Variants in POU2F1 observed in about 807,000 individuals in gnomAD.
POU2F1 encodes POU domain, class 2, transcription factor 1.
POU2F1 carries 16 observed loss-of-function variants against 84.9 expected under a neutral mutation model. The observed-to-expected ratio is 0.19, with a 90% CI of 0.13 to 0.29. POU2F1 has a LOEUF of 0.29. POU2F1 is among the 10% of genes least tolerant of loss of function. The pLI is 1.00. For missense variants in POU2F1, 738 were observed against 942.6 expected, an observed-to-expected ratio of 0.78 and a Z score of 2.84; for synonymous variants, 368 against 368.3, an observed-to-expected ratio of 1.00 and a Z score of 0.01.
At chr1:167,346,239 C>CT (rs1458696430) in intron 2 of POU2F1, among the ~76,000 whole-genome samples, 1 of 152,100 alleles carries the variant, frequency 6.6e-6, no homozygotes, top group African/African-American at 2.4e-5. Context: ...TCCAGATAGA[C>CT]TTAACAATTT....
intron 1 of POU2F1, among the ~76,000 whole-genome samples, chr1:167,225,128 C>A (rs1259544045): frequency 6.6e-6 from 1 of 152,136 alleles, no homozygotes; most frequent in African/African-American, 2.4e-5. Flanking sequence ...ATGCCCAGCC[C>A]GTTGTCACTT....
intron 13 of POU2F1, among the ~76,000 whole-genome samples, chr1:167,409,970 TAAGAG>T (rs1649843076): frequency 6.6e-6 from 1 of 152,180 alleles, no homozygotes; most frequent in South Asian, 2.1e-4. Context: ...GGGCATGTCT[TAAGAG>T]AAGATTAAAG....
intron 1 of POU2F1, among the ~76,000 whole-genome samples, chr1:167,247,961 A>G (rs922424204): frequency 1.3e-5 from 2 of 152,348 alleles, no homozygotes; most frequent in Non-Finnish European, 1.5e-5. Flanking sequence ...GTGAGGGGGA[A>G]GTATCTTTTT....
At chr1:167,253,430 A>ATGGGTTTTT (rs1357853617) in intron 1 of POU2F1, among the ~76,000 whole-genome samples, 1 of 141,112 alleles carries the variant, frequency 7.1e-6, no homozygotes, top group Non-Finnish European at 1.5e-5. Context: ...TAATTGGTTA[A>ATGGGTTTTT]TGGGTTTTTT....
intron 10 of POU2F1, chr1:167,396,793 A>G (rs983759891): frequency 1.9e-5 from 3 of 161,750 alleles, no homozygotes; most frequent in African/African-American, 7.2e-5. Flanking sequence ...ATGAATTATC[A>G]TAGAACTTGT....
At chr1:167,296,261 A>G (rs1654283329) in intron 1 of POU2F1, among the ~76,000 whole-genome samples, 1 of 152,144 alleles carries the variant, frequency 6.6e-6, no homozygotes, top group Admixed American at 6.5e-5. Flanking sequence ...GTATTTGAAA[A>G]ATCTTCATTC....
chr1:167,247,303 T>A (rs150654497), intron 1 of POU2F1, among the ~76,000 whole-genome samples: 14 of 152,238 alleles, frequency 9.2e-5, no homozygotes, highest in South Asian at 4.1e-4. Flanking sequence ...TGGCCTTGAG[T>A]GATCCTTCTG....
intron 1 of POU2F1, among the ~76,000 whole-genome samples, chr1:167,266,173 C>T (rs536710389): frequency 6.6e-6 from 1 of 152,284 alleles, no homozygotes; most frequent in Non-Finnish European, 1.5e-5. Context: ...ATGTGCAGGA[C>T]CTGCAGGTTT....
At chr1:167,329,754 T>C (rs1216222562) in intron 1 of POU2F1, among the ~76,000 whole-genome samples, 1 of 152,154 alleles carries the variant, frequency 6.6e-6, no homozygotes, top group East Asian at 1.9e-4. Flanking sequence ...TGAGTCACAA[T>C]GCAGAATAGT....
At chr1:167,398,195 T>TACA in intron 11 of POU2F1, 62 bp downstream of exon 11, 1 of 1,546,394 alleles carries the variant, frequency 6.5e-7, no homozygotes, top group Non-Finnish European at 8.8e-7. Flanking sequence ...ACATTAGTAC[T>TACA]TAGTAGAAAC....
At chr1:167,252,017 T>TAC (rs1491442137) in intron 1 of POU2F1, among the ~76,000 whole-genome samples, 1 of 69,990 alleles carries the variant, frequency 1.4e-5, no homozygotes, top group Non-Finnish European at 2.8e-5. Flanking sequence ...GCTAATTTTG[T>TAC]ATATATATAT....
chr1:167,333,446 C>A (rs1013867191), intron 2 of POU2F1, among the ~76,000 whole-genome samples: 1 of 152,054 alleles, frequency 6.6e-6, no homozygotes, highest in African/African-American at 2.4e-5. Flanking sequence ...GAGAGGGATC[C>A]CTTTTGACTT....
chr1:167,366,814 C>T (rs1659709036), intron 3 of POU2F1, among the ~76,000 whole-genome samples: 1 of 151,932 alleles, frequency 6.6e-6, no homozygotes, highest in Admixed American at 6.5e-5. Flanking sequence ...TTCAAGCCTC[C>T]AGTAATTTTT....
At chr1:167,391,086 C>T (rs1173860505) in intron 9 of POU2F1, among the ~76,000 whole-genome samples, 1 of 152,158 alleles carries the variant, frequency 6.6e-6, no homozygotes, top group Non-Finnish European at 1.5e-5. Context: ...CACTGACTTA[C>T]TCTTTGATTA....
At chr1:167,367,187 C>T (rs1007450539) in intron 3 of POU2F1, among the ~76,000 whole-genome samples, 2 of 152,200 alleles carry the variant, frequency 1.3e-5, no homozygotes, top group Non-Finnish European at 2.9e-5. Flanking sequence ...ACATAATTAA[C>T]AGTGTGACAC....
At chr1:167,414,854 C>A in intron 15 of POU2F1, 2 of 607,340 alleles carry the variant, frequency 3.3e-6, no homozygotes, top group South Asian at 7.3e-5. Flanking sequence ...AGCCTTTTTG[C>A]AAGATGATTT....
In POU2F1 at chr1:167,356,868, T is replaced by G. The variant is rs187723671; in HGVS notation, c.128-8599T>G. ...GCTGCCCACATGTGTAGTGCCCTCCTTACCCTTGGGAGGTGAGCAGGCGCA... is the reference window on the plus strand; with the variant it reads ...GCTGCCCACATGTGTAGTGCCCTCCGTACCCTTGGGAGGTGAGCAGGCGCA... On this transcript the variant is annotated intron_variant, in intron 2 of 15. Coordinates refer to ENST00000367866, the MANE Select transcript of POU2F1 (RefSeq NM_002697.4). Among the ~76,000 whole-genome samples the G allele has an allele frequency of 2.6e-4, 39 of 152,314 alleles. No individual in the cohort carries two copies. In the East Asian group the frequency reaches 6.7e-3, roughly 26 times the overall value.
chr1:167,251,057 A>G (rs1272228995), intron 1 of POU2F1, among the ~76,000 whole-genome samples: 1 of 152,202 alleles, frequency 6.6e-6, no homozygotes, highest in Non-Finnish European at 1.5e-5. Context: ...TGTGAGGTGT[A>G]TTATAAGAAC....
chr1:167,346,305 C>T (rs1658194288), intron 2 of POU2F1, among the ~76,000 whole-genome samples: 2 of 152,152 alleles, frequency 1.3e-5, no homozygotes, highest in Non-Finnish European at 2.9e-5. Flanking sequence ...GCATTCATCT[C>T]TAAGGTGATG....
Sources: gnomAD v4.1 joint callset for allele counts (sites outside exome capture counted in the v4.1 genomes callset) on GRCh38, gnomAD v4.1.1 for gene constraint, MANE v1.5 for transcripts, NCBI Gene and HGNC (gene_info 2026-07-23, HGNC 2026-07-21) for gene names.